The following ARID2 variants were observed in gnomAD, a reference collection of about 807,000 sequenced individuals.
ARID2 encodes the protein AT-rich interaction domain 2, also known as AT-rich interactive domain-containing protein 2.
In ARID2, 32 loss-of-function variants were observed where a neutral mutation model predicts 184.6. The ratio of observed to expected loss-of-function variants is 0.17; its 90% CI spans 0.13 to 0.23. The LOEUF (loss-of-function observed/expected upper bound fraction) is 0.23. Among genes scored for constraint, ARID2 ranks in the 10% least tolerant of loss-of-function variants. The pLI, the probability that ARID2 is intolerant of heterozygous loss-of-function variation, is 1.00. For synonymous variants in ARID2, 836 were observed against 772.6 expected, an observed-to-expected ratio of 1.08 and a Z score of -1.36; for missense variants, 1,696 against 2,197.6, an observed-to-expected ratio of 0.77 and a Z score of 4.56.
intron 3 of ARID2, among the ~76,000 whole-genome samples, chr12:45,754,864 G>A (rs2138000144): frequency 6.6e-6 from 1 of 152,300 alleles, no homozygotes; most frequent in East Asian, 1.9e-4. Context: ...ATCAATGAAT[G>A]AATGCTTGCA....
At chr12:45,758,709 A>G (rs1941617270) in intron 3 of ARID2, among the ~76,000 whole-genome samples, 1 of 152,040 alleles carries the variant, frequency 6.6e-6, no homozygotes, top group Non-Finnish European at 1.5e-5. Context: ...TTTCCATCTC[A>G]TGGTCTAAGA....
In ARID2 at chr12:45,774,967, C is replaced by T. The variant is rs376033703; in HGVS notation, c.285-36451C>T. 2.2e-3 allele frequency among the ~76,000 whole-genome samples: 342 copies of T among 152,136 alleles called. 12 individuals are homozygous for T. The South Asian group carries it at 0.067, about 30-fold the overall frequency. On this transcript the variant is annotated intron_variant, in intron 3 of 20. Coordinates refer to ENST00000334344, the MANE Select transcript of ARID2 (RefSeq NM_152641.4). Reference sequence around the variant, plus strand: ...CTGGAGATATTTTTGATTGTCATAGCTGGGGAGTGCTGCTGGCATTTAGTG... The same window carrying T: ...CTGGAGATATTTTTGATTGTCATAGTTGGGGAGTGCTGCTGGCATTTAGTG...
intron 20 of ARID2, among the ~76,000 whole-genome samples, chr12:45,894,371 G>T (rs533775379): frequency 6.6e-6 from 1 of 152,280 alleles, no homozygotes; most frequent in African/African-American, 2.4e-5. Flanking sequence ...TGCATCTTGT[G>T]TTCCTGATAG....
At chr12:45,759,154 A>G (rs1256085995) in intron 3 of ARID2, among the ~76,000 whole-genome samples, 1 of 152,170 alleles carries the variant, frequency 6.6e-6, no homozygotes, top group Admixed American at 6.5e-5. Flanking sequence ...ATTGTACTTT[A>G]TAGAAATTAC....
At chr12:45,891,024 G>A (rs1253304905) in intron 16 of ARID2, among the ~76,000 whole-genome samples, 1 of 152,054 alleles carries the variant, frequency 6.6e-6, no homozygotes, top group Non-Finnish European at 1.5e-5. Flanking sequence ...AATTAGCCGC[G>A]CATGGTGGCA....
At position 45,848,816 on chromosome 12, in the gene ARID2, T is replaced by C; in HGVS notation, c.1581-20T>C. The C allele has an allele frequency of 1.9e-6, 3 of 1,603,280 alleles. No homozygotes were observed. Among genetic ancestry groups the C allele is most frequent in the Non-Finnish European group, 1.7e-6 (2 of 1,173,986 alleles). ...TTCCTAGAGTATATTGTATAATGCT[T>C]AATTTTTCTCCTCTTTTAGGCTAAA... On this transcript the variant is annotated intron_variant, in intron 12 of 20. Coordinates refer to ENST00000334344, the MANE Select transcript of ARID2 (RefSeq NM_152641.4).
At chr12:45,899,927 C>G (rs1012827546) in intron 20 of ARID2, among the ~76,000 whole-genome samples, 1 of 151,482 alleles carries the variant, frequency 6.6e-6, no homozygotes, top group African/African-American at 2.4e-5. Context: ...TTGGATAAAC[C>G]TCTCTTCTTC....
chr12:45,877,690 T>C (rs1200083197), intron 16 of ARID2, among the ~76,000 whole-genome samples: 1 of 152,078 alleles, frequency 6.6e-6, no homozygotes, highest in Non-Finnish European at 1.5e-5. Flanking sequence ...CTATGTCCTT[T>C]ACATACTGTC....
chr12:45,879,330 G>T (rs1255146890), intron 16 of ARID2, among the ~76,000 whole-genome samples: 1 of 152,170 alleles, frequency 6.6e-6, no homozygotes, highest in Non-Finnish European at 1.5e-5. Context: ...GAAGAGAACA[G>T]TCTGGGCATA....
intron 3 of ARID2, among the ~76,000 whole-genome samples, chr12:45,797,224 A>G (rs139233409): frequency 2.6e-4 from 39 of 151,992 alleles, no homozygotes; most frequent in Admixed American, 9.8e-4. Flanking sequence ...TTTAAATTTT[A>G]TTTTATTTTT....
At chr12:45,735,239 C>A (rs930184788) in intron 3 of ARID2, among the ~76,000 whole-genome samples, 1 of 151,826 alleles carries the variant, frequency 6.6e-6, no homozygotes, top group African/African-American at 2.4e-5. Context: ...TAGATCAATT[C>A]TTTTAAGAGA....
At chr12:45,886,454 A>G (rs1436617760) in intron 16 of ARID2, among the ~76,000 whole-genome samples, 12 of 152,084 alleles carry the variant, frequency 7.9e-5, no homozygotes, top group Non-Finnish European at 1.5e-5. Flanking sequence ...CAAGCTGTTC[A>G]TTTATCTACC....
At chr12:45,743,370 A>G (rs1047131695) in intron 3 of ARID2, among the ~76,000 whole-genome samples, 1 of 151,684 alleles carries the variant, frequency 6.6e-6, no homozygotes, top group Non-Finnish European at 1.5e-5. Context: ...CTCTGTCTCA[A>G]AAAAAAAGAG....
Position 45,735,677 on chromosome 12 carries a change from C to T in ARID2, c.284+4363C>T, listed in dbSNP as rs192723145. 1.7e-4 allele frequency among the ~76,000 whole-genome samples: 26 copies of T among 152,066 alleles called. No homozygotes were observed. In the East Asian group the frequency reaches 4.2e-3, roughly 25 times the overall value. On this transcript the variant is annotated intron_variant, in intron 3 of 20. Coordinates refer to ENST00000334344, the MANE Select transcript of ARID2 (RefSeq NM_152641.4). ...TTTGATATTTTCTGATATTCTGTTA[C>T]GTTTTTAAAGGACATGCAGACTTGT...
In ARID2 at chr12:45,836,727, A is replaced by C. The variant is rs151327096; in HGVS notation, c.773-14A>C. 1.9e-3 allele frequency: 3,117 copies of C among 1,602,756 alleles called. 46 individuals carry two copies. The African/African-American group carries it at 0.032, about 16-fold the overall frequency. On this transcript the variant is annotated splice_polypyrimidine_tract_variant and intron_variant, in intron 7 of 20. Coordinates refer to ENST00000334344, the MANE Select transcript of ARID2 (RefSeq NM_152641.4). ...AAATGAAATATTAAGTGAAATATGTATTTTCTATTGTAGAAGGTACATCAG... is the reference window on the plus strand; with the variant it reads ...AAATGAAATATTAAGTGAAATATGTCTTTTCTATTGTAGAAGGTACATCAG...
chr12:45,867,358 T>G (rs1477769300), intron 16 of ARID2, among the ~76,000 whole-genome samples: 1 of 151,958 alleles, frequency 6.6e-6, no homozygotes, highest in Non-Finnish European at 1.5e-5. Flanking sequence ...GCTCAAGTGA[T>G]CCCTCCCGCC....
chr12:45,888,704 A>G (rs956853839), intron 16 of ARID2, among the ~76,000 whole-genome samples: 1 of 152,170 alleles, frequency 6.6e-6, no homozygotes, highest in Non-Finnish European at 1.5e-5. Flanking sequence ...CCTCACACCC[A>G]TCTTTAAAAC....
chr12:45,850,453 C>T lies in ARID2; in HGVS notation c.2330C>T (p.Thr777Ile), dbSNP rs2138162111. 1 of 1,614,038 alleles carries T rather than the reference C, an allele frequency of 6.2e-7. No individual in the cohort carries two copies. The highest frequency in any genetic ancestry group is 8.5e-7 in the Non-Finnish European group (1 of 1,179,970). Residue 777 changes from threonine to isoleucine, a missense_variant, in exon 15 of 21, where the codon ACA (threonine) becomes ATA (isoleucine). Transcript: ENST00000334344. ...ATTCCACAGCAGTCTCCATTACACA[C>T]AGTGGTACCAGGACAGATCCCTTCA... ...SVIPQQSPLH[T>I]VVPGQIPSGT...
intron 3 of ARID2, among the ~76,000 whole-genome samples, chr12:45,805,031 A>G (rs1275336244): frequency 6.6e-6 from 1 of 152,010 alleles, no homozygotes; most frequent in African/African-American, 2.4e-5. Context: ...TTACTGCCAT[A>G]TAGTATTTTA....
Sources: allele counts gnomAD v4.1 joint callset (sites outside exome capture counted in the v4.1 genomes callset), GRCh38; gene constraint gnomAD v4.1.1; transcripts MANE v1.5; gene names NCBI Gene and HGNC (gene_info 2026-07-23, HGNC 2026-07-21).